The following RBM20 variants were observed in gnomAD, a reference collection of about 807,000 sequenced individuals.
RBM20 encodes the protein RNA-binding protein 20.
In RBM20, 51 loss-of-function variants were observed where a neutral mutation model predicts 110.1. The ratio of observed to expected loss-of-function variants is 0.46; its 90% CI spans 0.37 to 0.59. The LOEUF is 0.59. Ranked by LOEUF, RBM20 falls within the 20% of genes least tolerant of loss-of-function variation. The pLI is 0.00. For missense variants in RBM20, 1,512 were observed against 1,574.9 expected (o/e 0.96, Z 0.68); for synonymous variants, 589 against 618.2 (o/e 0.95, Z 0.70).
chr10:110,717,162 T>C (rs1863032010), intron 1 of RBM20, among the ~76,000 whole-genome samples: 1 of 152,154 alleles, frequency 6.6e-6, no homozygotes, highest in African/African-American at 2.4e-5. Flanking sequence ...TGCTGCCTGC[T>C]TCACTCTCTC....
At chr10:110,807,982 T>C (rs1286480042) in intron 7 of RBM20, among the ~76,000 whole-genome samples, 1 of 152,198 alleles carries the variant, frequency 6.6e-6, no homozygotes, top group Non-Finnish European at 1.5e-5. Context: ...TCCTGATGGT[T>C]CCCACCAGCT....
rs1336376500 is a variant in RBM20 at position 110,837,670 on chromosome 10, A to G, written c.*1692A>G. The G allele has an allele frequency of 6.6e-6, 1 of 152,240 alleles. No individual in the cohort carries two copies. The highest frequency in any genetic ancestry group is 1.5e-5 in the Non-Finnish European group (1 of 68,072). The allele number at this position is 152,240 out of a possible 1,614,324, so 9.4% of individuals were successfully genotyped here. ...GCAGAGAGATTAGTTCAAGGCTAAC[A>G]TTTTATATCAGGTAACTGAGGCACA... On this transcript the variant is annotated 3_prime_UTR_variant, in exon 14 of 14. Transcript: ENST00000369519.
intron 1 of RBM20, among the ~76,000 whole-genome samples, chr10:110,732,152 T>C (rs1843626047): frequency 6.6e-6 from 1 of 152,232 alleles, no homozygotes; most frequent in Non-Finnish European, 1.5e-5. Flanking sequence ...GTATTTCTTA[T>C]ACATAGCATC....
intron 1 of RBM20, among the ~76,000 whole-genome samples, chr10:110,730,952 C>T (rs539732236): frequency 1.2e-4 from 18 of 152,316 alleles, no homozygotes; most frequent in African/African-American, 4.1e-4. Context: ...CAGCACCAAT[C>T]GCTTCGTACT....
At chr10:110,669,425 C>T (rs931855565) in intron 1 of RBM20, among the ~76,000 whole-genome samples, 2 of 152,236 alleles carry the variant, frequency 1.3e-5, no homozygotes, top group Non-Finnish European at 2.9e-5. Flanking sequence ...TTACAGGCCA[C>T]TACAATCTAT....
intron 7 of RBM20, among the ~76,000 whole-genome samples, chr10:110,802,380 T>C (rs1371594274): frequency 9.0e-6 from 1 of 110,644 alleles, no homozygotes; most frequent in African/African-American, 3.7e-5. Flanking sequence ...AGGCAGAACC[T>C]GGCTTTTTTT....
intron 1 of RBM20, among the ~76,000 whole-genome samples, chr10:110,717,656 C>G (rs1251464293): frequency 6.6e-6 from 1 of 152,224 alleles, no homozygotes; most frequent in African/African-American, 2.4e-5. Flanking sequence ...ATCTTGTTCA[C>G]TTGTGTTCTG....
At chr10:110,777,303 C>G (rs1844278381) in intron 1 of RBM20, among the ~76,000 whole-genome samples, 1 of 152,204 alleles carries the variant, frequency 6.6e-6, no homozygotes, top group East Asian at 1.9e-4. Context: ...TCAGTTCCAG[C>G]TTCCAGGGGT....
At chr10:110,663,562 T>A (rs931661354) in intron 1 of RBM20, among the ~76,000 whole-genome samples, 2 of 152,198 alleles carry the variant, frequency 1.3e-5, no homozygotes, top group Non-Finnish European at 2.9e-5. Flanking sequence ...GGGTCAGAGG[T>A]AGAAGCTAGA....
chr10:110,657,964 A>C (rs1198110037), intron 1 of RBM20, among the ~76,000 whole-genome samples: 1 of 152,218 alleles, frequency 6.6e-6, no homozygotes. Flanking sequence ...TAACCCTTTA[A>C]GGTGTTTAAA....
At chr10:110,734,551 C>G (rs764655751) in intron 1 of RBM20, among the ~76,000 whole-genome samples, 1 of 150,682 alleles carries the variant, frequency 6.6e-6, no homozygotes, top group African/African-American at 2.4e-5. Context: ...TGGGTGAACT[C>G]ATTTTATTCT....
Position 110,789,072 on chromosome 10 carries a change from A to G in RBM20, c.1527+4183A>G, listed in dbSNP as rs117209264. On this transcript the variant is annotated intron_variant, in intron 5 of 13. Transcript: ENST00000369519. ...GCCAGCACTTTGTATGTCTGATTCCATTTACATGCATCTTTTCAGAAACAC... is the reference window on the plus strand; with the variant it reads ...GCCAGCACTTTGTATGTCTGATTCCGTTTACATGCATCTTTTCAGAAACAC... Among the ~76,000 whole-genome samples, 60 of 152,268 alleles carry G rather than the reference A, an allele frequency of 3.9e-4. 1 individual carries two copies. The East Asian group carries it at 0.011, about 29-fold the overall frequency.
intron 7 of RBM20, among the ~76,000 whole-genome samples, chr10:110,809,110 G>T (rs536330323): frequency 1.1e-4 from 17 of 151,130 alleles, no homozygotes; most frequent in African/African-American, 3.9e-4. Context: ...CAACTACTTT[G>T]GAGGCTGAAG....
chr10:110,700,921 G>A (rs952585205), intron 1 of RBM20, among the ~76,000 whole-genome samples: 10 of 152,076 alleles, frequency 6.6e-5, no homozygotes, highest in Admixed American at 4.6e-4. Flanking sequence ...AGGCTGAGAC[G>A]GGAGAATCGC....
Position 110,644,751 on chromosome 10 carries a change from C to T in RBM20, c.191+106C>T, listed in dbSNP as rs114033006. The T allele has an allele frequency of 3.4e-3, 3,058 of 894,294 alleles. 90 individuals carry two copies. The African/African-American group carries it at 0.048, about 14-fold the overall frequency. 55.4% of individuals were successfully genotyped at this position (894,294 alleles called of 1,614,324 possible). ...GTCCCTGCTGAACTTCGCTCGCCCC[C>T]CTTGGGTTTGAAGTTTTCTCGTACC... On this transcript the variant is annotated intron_variant, in intron 1 of 13. Transcript: ENST00000369519. This position sits in a 1 kb window ranked among gnomAD's most constrained non-coding sequence, Gnocchi z 4.3.
intron 1 of RBM20, among the ~76,000 whole-genome samples, chr10:110,772,201 G>A (rs917238252): frequency 4.6e-5 from 7 of 152,204 alleles, no homozygotes; most frequent in African/African-American, 1.7e-4. Context: ...TGAAAGCTGT[G>A]GGTCCATCTG....
At chr10:110,752,945 A>ATATATATTTTT (rs1433992064) in intron 1 of RBM20, among the ~76,000 whole-genome samples, 1 of 109,014 alleles carries the variant, frequency 9.2e-6, no homozygotes, top group African/African-American at 3.8e-5. Flanking sequence ...ATATATATAT[A>ATATATATTTTT]TTTTTTTTTT....
At chr10:110,818,645 G>A (rs868805980) in intron 9 of RBM20, among the ~76,000 whole-genome samples, 7 of 152,268 alleles carry the variant, frequency 4.6e-5, no homozygotes, top group Non-Finnish European at 7.3e-5. Flanking sequence ...GCAGGGGTCT[G>A]CTTGGTGGAG....
At position 110,763,751 on chromosome 10, in the gene RBM20, C is replaced by CTTT. The variant is rs56845100; in HGVS notation, c.192-17028_192-17026dup. Among the ~76,000 whole-genome samples the CTTT allele has an allele frequency of 3.6e-3, 231 of 64,372 alleles. 2 individuals are homozygous for CTTT. The highest frequency in any genetic ancestry group is 3.8e-3 in the African/African-American group (61 of 15,852). The allele number at this position is 64,372 out of a possible 152,430, so 42.2% of individuals were successfully genotyped here. A position where few individuals can be genotyped will look rare whatever the true frequency, so the allele number is the denominator to read the frequency against. ...TTCCTCACAGAGAGGGGCTTCTTGGCTTTTTTTTTTTTTTTTTTTTTTTTG... is the reference window on the plus strand; with the variant it reads ...TTCCTCACAGAGAGGGGCTTCTTGGCTTTTTTTTTTTTTTTTTTTTTTTTTTTG... On this transcript the variant is annotated intron_variant, in intron 1 of 13. Transcript: ENST00000369519.
Sources: allele counts gnomAD v4.1 joint callset (sites outside exome capture counted in the v4.1 genomes callset), GRCh38; gene constraint gnomAD v4.1.1; non-coding constraint Gnocchi (gnomAD v3.1); transcripts MANE v1.5; gene names NCBI Gene and HGNC (gene_info 2026-07-23, HGNC 2026-07-21).